Variants in SCML4 observed in about 807,000 individuals in gnomAD.
The protein encoded by SCML4 is Scm polycomb group protein like 4, also known as sex comb on midleg-like protein 4.
In SCML4, 34 loss-of-function variants were observed where a neutral mutation model predicts 41.1. The observed-to-expected ratio is 0.83, with a 90% CI of 0.63 to 1.10. The LOEUF (loss-of-function observed/expected upper bound fraction) is 1.10, where lower values mean the gene tolerates loss of function less well. Ranked by LOEUF, SCML4 falls within the 50% of genes least tolerant of loss-of-function variation. The pLI, the probability that SCML4 is intolerant of heterozygous loss-of-function variation, is 0.00. For synonymous variants in SCML4, 214 were observed against 220.9 expected (o/e 0.97, Z 0.28); for missense variants, 522 against 534.1 (o/e 0.98, Z 0.22).
chr6:107,770,580 A>G (rs1780435559), intron 2 of SCML4, among the ~76,000 whole-genome samples: 1 of 152,204 alleles, frequency 6.6e-6, no homozygotes, highest in African/African-American at 2.4e-5. Flanking sequence ...AAATGGGAAA[A>G]GACTGCCTGC....
At chr6:107,812,880 T>TACACACACACACACATACACAC (rs1784261651) in intron 1 of SCML4, among the ~76,000 whole-genome samples, 1 of 141,372 alleles carries the variant, frequency 7.1e-6, no homozygotes, top group African/African-American at 2.7e-5. Flanking sequence ...CACAGACACA[T>TACACACACACACACATACACAC]ACACACACAC....
chr6:107,833,826 C>T, the SCML4 span, among the ~76,000 whole-genome samples: 1 of 152,198 alleles, frequency 6.6e-6, no homozygotes, highest in African/African-American at 2.4e-5. Flanking sequence ...TCTGGCTTGA[C>T]CATGTCCATG....
At chr6:107,725,970 G>A (rs1775918877) in intron 5 of SCML4, among the ~76,000 whole-genome samples, 1 of 151,420 alleles carries the variant, frequency 6.6e-6, no homozygotes, top group Non-Finnish European at 1.5e-5. Flanking sequence ...CCAGCTGCTT[G>A]GGAGGCTGAG....
chr6:107,768,472 A>G (rs576369243), intron 2 of SCML4, among the ~76,000 whole-genome samples: 3 of 152,296 alleles, frequency 2.0e-5, no homozygotes, highest in Non-Finnish European at 2.9e-5. Context: ...AACATGCCAC[A>G]CCTTTCTTAA....
At chr6:107,799,965 C>CT (rs1318508281) in intron 1 of SCML4, among the ~76,000 whole-genome samples, 1,768 of 141,282 alleles carry the variant, frequency 0.013, 8 homozygotes, top group Middle Eastern at 0.04. Flanking sequence ...GGATATGTTC[C>CT]TTTTTTTTTT....
At chr6:107,714,312 C>G (rs1400387500) in intron 6 of SCML4, among the ~76,000 whole-genome samples, 1 of 152,126 alleles carries the variant, frequency 6.6e-6, no homozygotes, top group Admixed American at 6.5e-5. Flanking sequence ...AGCACTGTTA[C>G]CTCTGCTGGG....
chr6:107,709,491 C>T (rs1774025603), intron 6 of SCML4, among the ~76,000 whole-genome samples: 1 of 152,208 alleles, frequency 6.6e-6, no homozygotes, highest in African/African-American at 2.4e-5. Flanking sequence ...TCCCTGCTCT[C>T]CTGTGCACCA....
At chr6:107,756,514 G>A (rs1422602022) in intron 2 of SCML4, among the ~76,000 whole-genome samples, 5 of 152,148 alleles carry the variant, frequency 3.3e-5, no homozygotes, top group Admixed American at 6.5e-5. Flanking sequence ...GGAGCTTAAG[G>A]AAACATGACA....
chr6:107,804,484 T>C (rs1783569488), intron 1 of SCML4, among the ~76,000 whole-genome samples: 1 of 152,098 alleles, frequency 6.6e-6, no homozygotes, highest in South Asian at 2.1e-4. Flanking sequence ...TGGGCCAGAA[T>C]CAAATTGCAA....
chr6:107,821,952 C>T (rs977616858), intron 1 of SCML4, among the ~76,000 whole-genome samples: 3 of 152,188 alleles, frequency 2.0e-5, no homozygotes, highest in Non-Finnish European at 2.9e-5. Flanking sequence ...ACGAAGCACT[C>T]TAACATTTAA....
rs371024966 is a variant in SCML4 at position 107,705,311 on chromosome 6, G to A, written c.1134C>T (p.Asn378=). 4.3e-5 allele frequency: 66 copies of A among 1,551,714 alleles called. No individual in the cohort carries two copies. Among genetic ancestry groups the A allele is most frequent in the African/African-American group, 4.2e-4 (31 of 73,018 alleles). Residue 378 remains asparagine, a synonymous_variant, in exon 8 of 8, where the codon AAC becomes AAT. Transcript: ENST00000369020. ...TGTCACTCTTCAGCAACAGCAGAGC[G>A]TTGCCATCAATCTCCTGGTGGGATA... ...ELFRKHEIDG[N]ALLLLKSDMV...
chr6:107,760,580 A>G (rs1251541307), intron 2 of SCML4, among the ~76,000 whole-genome samples: 3 of 152,228 alleles, frequency 2.0e-5, no homozygotes, highest in African/African-American at 7.2e-5. Context: ...TAATTAAAAA[A>G]TTACTCAATA....
chr6:107,844,658 G>T, the SCML4 span, among the ~76,000 whole-genome samples: 1 of 152,004 alleles, frequency 6.6e-6, no homozygotes, highest in Non-Finnish European at 1.5e-5. Context: ...TATAGTCCCA[G>T]TGGGGAAGGG....
At chr6:107,772,040 C>T (rs546807398) in intron 2 of SCML4, 132 bp downstream of exon 2, 39 of 699,102 alleles carry the variant, frequency 5.6e-5, no homozygotes, top group African/African-American at 4.5e-4. Flanking sequence ...CATACTTCAC[C>T]GAGGGAGGCT....
chr6:107,751,646 C>CTTTCTTTA (rs1425350341), intron 2 of SCML4, among the ~76,000 whole-genome samples: 1 of 103,740 alleles, frequency 9.6e-6, no homozygotes, highest in Admixed American at 1.0e-4. Context: ...TTCTTTCTTT[C>CTTTCTTTA]TTTTTTGAGA....
At chr6:107,764,663 G>A (rs1302062398) in intron 2 of SCML4, among the ~76,000 whole-genome samples, 4 of 151,888 alleles carry the variant, frequency 2.6e-5, no homozygotes, top group Non-Finnish European at 4.4e-5. Flanking sequence ...GAGAGAGAAG[G>A]AAGAAAAAGA....
At chr6:107,826,927 G>C (rs1412567744), upstream of SCML4, among the ~76,000 whole-genome samples, 1 of 152,028 alleles carries the variant, frequency 6.6e-6, no homozygotes, top group Non-Finnish European at 1.5e-5. Flanking sequence ...GCTGGGAGTG[G>C]TGGCAGGCGC....
rs370516097 is a variant in SCML4 at position 107,749,831 on chromosome 6, T to G, written c.157-18A>C. ...GACTTGATCTGGAAGAGAGAGCCCATTTGGTCAATGAGAATCTGGCAATTC... is the reference window on the plus strand; with the variant it reads ...GACTTGATCTGGAAGAGAGAGCCCAGTTGGTCAATGAGAATCTGGCAATTC... On this transcript the variant is annotated intron_variant, in intron 2 of 7. Transcript: ENST00000369020. 7 of 1,613,614 alleles carry G rather than the reference T, an allele frequency of 4.3e-6. No individual in the cohort carries two copies. Among genetic ancestry groups the G allele is most frequent in the African/African-American group, 1.3e-5 (1 of 74,884 alleles).
Position 107,720,830 on chromosome 6 carries a change from A to G in SCML4, c.846T>C (p.Gly282=). The G allele has an allele frequency of 2.5e-6, 4 of 1,614,086 alleles. No homozygotes were observed. The highest frequency in any genetic ancestry group is 3.4e-6 in the Non-Finnish European group (4 of 1,179,946). The change falls in exon 6 of 8, where the codon GGT becomes GGC. Residue 282 remains glycine (G), a synonymous_variant. Transcript: ENST00000369020. Reference sequence around the variant, plus strand: ...GGGGACCACCAGCGGTGGCAGCAGGACCACCCCCAAGGTGGCTGTCTCCAG... The same window carrying G: ...GGGGACCACCAGCGGTGGCAGCAGGGCCACCCCCAAGGTGGCTGTCTCCAG... ...QNSGDSHLGG[G]PAATAGGPRT...
Sources: allele counts gnomAD v4.1 joint callset (sites outside exome capture counted in the v4.1 genomes callset), GRCh38; gene constraint gnomAD v4.1.1; transcripts MANE v1.5; gene names NCBI Gene and HGNC (gene_info 2026-07-23, HGNC 2026-07-21).